The following CENPW variants were observed in gnomAD, a reference collection of about 807,000 sequenced individuals.
CENPW encodes the protein cancer-up-regulated gene 2 protein.
CENPW carries 3 observed loss-of-function variants against 11.1 expected under a neutral mutation model. The observed-to-expected ratio is 0.27, with a 90% CI of 0.12 to 0.70. The LOEUF (loss-of-function observed/expected upper bound fraction) is 0.70. Among genes scored for constraint, CENPW ranks in the 30% least tolerant of loss-of-function variants. The pLI is 0.77. For synonymous variants in CENPW, 38 were observed against 42.0 expected (o/e 0.91, Z 0.37); for missense variants, 100 against 105.6 (o/e 0.95, Z 0.23).
At chr6:126,392,399 A>C in the CENPW span, among the ~76,000 whole-genome samples, 1 of 151,760 alleles carries the variant, frequency 6.6e-6, no homozygotes, top group African/African-American at 2.4e-5. Context: ...ATGATGAAAG[A>C]CTTTCAGTTT....
At chr6:126,454,046 G>A in the CENPW span, among the ~76,000 whole-genome samples, 5 of 151,284 alleles carry the variant, frequency 3.3e-5, no homozygotes, top group African/African-American at 1.2e-4. Flanking sequence ...ATATGCATGA[G>A]CACAGGAGCA....
the CENPW span, among the ~76,000 whole-genome samples, chr6:126,403,303 T>C: frequency 6.6e-6 from 1 of 152,116 alleles, no homozygotes; most frequent in Non-Finnish European, 1.5e-5. Context: ...AAGCTAGAAA[T>C]GATTAAGCTT....
chr6:126,435,636 CTA>C, the CENPW span, among the ~76,000 whole-genome samples: 1 of 151,832 alleles, frequency 6.6e-6, no homozygotes, highest in Admixed American at 6.6e-5. Flanking sequence ...ATCCTGCAAT[CTA>C]TGTTACTTAT....
intron 1 of CENPW, among the ~76,000 whole-genome samples, chr6:126,342,020 T>C (rs1314752426): frequency 6.6e-6 from 1 of 152,202 alleles, no homozygotes; most frequent in Non-Finnish European, 1.5e-5. Flanking sequence ...CTCGTCGTGT[T>C]TGGCTTTCAT....
chr6:126,435,743 A>C, the CENPW span, among the ~76,000 whole-genome samples: 1 of 151,886 alleles, frequency 6.6e-6, no homozygotes. Context: ...GTAATGTCTT[A>C]TTAGATAGAG....
the CENPW span, among the ~76,000 whole-genome samples, chr6:126,392,421 G>A: frequency 6.6e-6 from 1 of 151,842 alleles, no homozygotes; most frequent in South Asian, 2.1e-4. Context: ...CTCCCATTCA[G>A]TATGATACTA....
chr6:126,448,871 C>T, the CENPW span, among the ~76,000 whole-genome samples: 6 of 151,196 alleles, frequency 4.0e-5, no homozygotes, highest in African/African-American at 1.4e-4. Flanking sequence ...CGGTTAAGAA[C>T]CAATGAAGTG....
chr6:126,458,762 A>T, the CENPW span, among the ~76,000 whole-genome samples: 1 of 151,462 alleles, frequency 6.6e-6, no homozygotes, highest in Admixed American at 6.6e-5. Flanking sequence ...ATTATTAAAG[A>T]CAACTACATG....
chr6:126,397,841 A>G, the CENPW span, among the ~76,000 whole-genome samples: 1 of 152,160 alleles, frequency 6.6e-6, no homozygotes, highest in Admixed American at 6.5e-5. Flanking sequence ...CAACCTTGCC[A>G]TGCTTTCTGT....
At chr6:126,378,296 G>A in the CENPW span, among the ~76,000 whole-genome samples, 1 of 151,876 alleles carries the variant, frequency 6.6e-6, no homozygotes, top group Non-Finnish European at 1.5e-5. Context: ...GTGCTTTTCT[G>A]CTGAAGAGCA....
At chr6:126,472,252 A>C in the CENPW span, among the ~76,000 whole-genome samples, 1 of 152,192 alleles carries the variant, frequency 6.6e-6, no homozygotes, top group South Asian at 2.1e-4. Flanking sequence ...ACAATACATA[A>C]TCAAGAAATG....
At chr6:126,421,135 A>G in the CENPW span, among the ~76,000 whole-genome samples, 1 of 152,132 alleles carries the variant, frequency 6.6e-6, no homozygotes, top group African/African-American at 2.4e-5. Flanking sequence ...TTTGTATAAA[A>G]TTGATCCTCT....
At chr6:126,460,577 T>C in the CENPW span, among the ~76,000 whole-genome samples, 1 of 151,650 alleles carries the variant, frequency 6.6e-6, no homozygotes, top group Non-Finnish European at 1.5e-5. Flanking sequence ...GTTATTACAG[T>C]GTATTGGTTT....
downstream of CENPW, among the ~76,000 whole-genome samples, chr6:126,353,146 A>G (rs1780510551): frequency 6.6e-6 from 1 of 152,056 alleles, no homozygotes; most frequent in Admixed American, 6.6e-5. Context: ...TGTCACTACT[A>G]AGTGAATATT....
chr6:126,457,954 C>G, the CENPW span, among the ~76,000 whole-genome samples: 2 of 151,342 alleles, frequency 1.3e-5, no homozygotes, highest in African/African-American at 2.4e-5. Context: ...ATGGGACTCT[C>G]TGTTTATCAC....
the CENPW span, among the ~76,000 whole-genome samples, chr6:126,425,804 A>C: frequency 6.6e-6 from 1 of 151,910 alleles, no homozygotes; most frequent in Non-Finnish European, 1.5e-5. Flanking sequence ...TAGCTGTGAA[A>C]AAAAAAAACC....
At chr6:126,408,282 G>C in the CENPW span, among the ~76,000 whole-genome samples, 3 of 152,140 alleles carry the variant, frequency 2.0e-5, no homozygotes, top group Non-Finnish European at 4.4e-5. Flanking sequence ...AGATTTAATG[G>C]ACTCACAATT....
the CENPW span, among the ~76,000 whole-genome samples, chr6:126,453,148 T>A: frequency 6.6e-6 from 1 of 151,116 alleles, no homozygotes; most frequent in Non-Finnish European, 1.5e-5. Flanking sequence ...GAAGATATCA[T>A]TCATAAAAAT....
the CENPW span, among the ~76,000 whole-genome samples, chr6:126,457,714 T>C: frequency 6.6e-6 from 1 of 151,384 alleles, no homozygotes; most frequent in Middle Eastern, 3.4e-3. Context: ...GTATTATCAC[T>C]AAAACCACCG....
Sources: allele counts gnomAD v4.1 joint callset (sites outside exome capture counted in the v4.1 genomes callset), GRCh38; gene constraint gnomAD v4.1.1; transcripts MANE v1.5; gene names NCBI Gene and HGNC (gene_info 2026-07-23, HGNC 2026-07-21).